The following CTSK variants were observed in gnomAD, a reference collection of about 807,000 sequenced individuals.
CTSK encodes the protein cathepsin O.
A neutral mutation model predicts 40.5 loss-of-function variants in CTSK; 26 were observed. The observed-to-expected ratio is 0.64, with a 90% CI of 0.47 to 0.89. The LOEUF (loss-of-function observed/expected upper bound fraction) is 0.89. Ranked by LOEUF, CTSK falls within the 40% of genes least tolerant of loss-of-function variation. CTSK has a pLI of 0.00. For synonymous variants in CTSK, 132 were observed against 143.2 expected (o/e 0.92, Z 0.56); for missense variants, 292 against 400.1 (o/e 0.73, Z 2.30).
chr1:150,808,232 T>C lies in CTSK; in HGVS notation c.-20A>G, dbSNP rs1349979598. ...ACGTTACCTGCTGATGGAAATCTGTTGTCTGGCTTCGTTTCGGCAGCAAAG... is the reference window on the plus strand; with the variant it reads ...ACGTTACCTGCTGATGGAAATCTGTCGTCTGGCTTCGTTTCGGCAGCAAAG... On this transcript the variant is annotated 5_prime_UTR_variant, in exon 1 of 8. Coordinates refer to ENST00000271651, the MANE Select transcript of CTSK (RefSeq NM_000396.4). 6.6e-6 allele frequency: 1 copy of C among 152,478 alleles called. No individual in the cohort carries two copies. Among genetic ancestry groups the C allele is most frequent in the Non-Finnish European group, 1.5e-5 (1 of 68,044 alleles). 9.4% of individuals were successfully genotyped at this position (152,478 alleles called of 1,614,324 possible). A position where few individuals can be genotyped will look rare whatever the true frequency, so the allele number is the denominator to read the frequency against.
Position 150,799,729 on chromosome 1 carries a change from A to G in CTSK, c.619-20T>C. ...CTCTTCCTGGAAGAAACAAGATTGT[A>G]ATAGGACTAGGACAAAGCAATAGGC... is the stretch of plus-strand genomic sequence containing the variant. On this transcript the variant is annotated intron_variant, in intron 5 of 7. Transcript: ENST00000271651. The G allele has an allele frequency of 6.2e-7, 1 of 1,613,038 alleles. No homozygotes were observed.
At chr1:150,802,053 G>A (rs587666448) in intron 5 of CTSK, among the ~76,000 whole-genome samples, 5 of 148,522 alleles carry the variant, frequency 3.4e-5, no homozygotes, top group East Asian at 2.1e-4. Flanking sequence ...CGAGGCGGGC[G>A]GACCACCTGA....
chr1:150,806,396 C>T (rs1654093697), intron 2 of CTSK, among the ~76,000 whole-genome samples, 172 bp from the exon 3 acceptor site: 1 of 152,118 alleles, frequency 6.6e-6, no homozygotes, highest in Admixed American at 6.5e-5. Context: ...TAAACAAATA[C>T]AACACAAAGC....
chr1:150,802,617 A>G (rs890248677), intron 5 of CTSK, among the ~76,000 whole-genome samples: 1 of 151,962 alleles, frequency 6.6e-6, no homozygotes, highest in African/African-American at 2.4e-5. Context: ...AGGTCTTGCT[A>G]TGTTGTACCA....
chr1:150,804,757 T>C (rs891245375), intron 4 of CTSK, among the ~76,000 whole-genome samples: 20 of 152,194 alleles, frequency 1.3e-4, no homozygotes, highest in Admixed American at 1.0e-3. Flanking sequence ...TTAGTCATCT[T>C]GAGTCTCTGC....
chr1:150,806,333 T>G, intron 2 of CTSK, 109 bp from the exon 3 acceptor site: 1 of 1,294,394 alleles, frequency 7.7e-7, no homozygotes, highest in Non-Finnish European at 1.1e-6. Context: ...AAGTTTACAG[T>G]TTAGTTGGGG....
chr1:150,802,775 T>A (rs910077331), intron 5 of CTSK, among the ~76,000 whole-genome samples: 5 of 151,872 alleles, frequency 3.3e-5, no homozygotes, highest in Non-Finnish European at 5.9e-5. Flanking sequence ...GGCATGCACC[T>A]ATATCCTAGC....
chr1:150,802,053 G>T (rs587666448), intron 5 of CTSK, among the ~76,000 whole-genome samples: 1 of 148,522 alleles, frequency 6.7e-6, no homozygotes, highest in South Asian at 2.2e-4. Context: ...CGAGGCGGGC[G>T]GACCACCTGA....
Position 150,799,544 on chromosome 1 carries a change from C to T in CTSK, c.784G>A (p.Gly262Ser). The change falls in exon 6 of 8, where the codon GGT becomes AGT. Residue 262 changes from glycine (G) to serine (S), a missense_variant and splice_region_variant. Gly to Ser is a moderately conservative substitution (Grantham distance 56). Coordinates refer to ENST00000271651, the MANE Select transcript of CTSK (RefSeq NM_000396.4). ...CTGTATAGGATCAGCAGCTTCTTAC[C>T]TTTGCTGTAAAACTGGAAGGAGGTC... ...SLTSFQFYSK[G>S]VYYDESCNSD... The T allele has an allele frequency of 6.2e-7, 1 of 1,614,194 alleles. No individual in the cohort carries two copies. The highest frequency in any genetic ancestry group is 8.5e-7 in the Non-Finnish European group (1 of 1,180,024).
chr1:150,799,514 C>A (rs1330677746), intron 6 of CTSK, 30 bp downstream of exon 6: 5 of 1,612,100 alleles, frequency 3.1e-6, no homozygotes, highest in Non-Finnish European at 4.2e-6. Flanking sequence ...TCATAAAAGA[C>A]AGTGCTGTAT....
intron 7 of CTSK, among the ~76,000 whole-genome samples, chr1:150,797,896 T>G (rs1250774647): frequency 1.3e-5 from 2 of 152,136 alleles, no homozygotes; most frequent in Non-Finnish European, 2.9e-5. Flanking sequence ...TGTGGGAGAC[T>G]TGGGAAGATG....
At chr1:150,807,464 A>C (rs150945479) in intron 1 of CTSK, 33 of 453,328 alleles carry the variant, frequency 7.3e-5, no homozygotes, top group African/African-American at 6.5e-4. Flanking sequence ...CTTAGGCAGG[A>C]AACTGCCCTA....
At chr1:150,806,563 T>G (rs1258955875) in intron 2 of CTSK, 123 bp downstream of exon 2, 2 of 1,259,312 alleles carry the variant, frequency 1.6e-6, no homozygotes, top group Non-Finnish European at 2.3e-6. Flanking sequence ...TAACATGAGT[T>G]AGGGAAGAGG....
intron 6 of CTSK, 97 bp from the exon 7 acceptor site, chr1:150,799,370 G>T: frequency 8.1e-7 from 1 of 1,233,196 alleles, no homozygotes; most frequent in Non-Finnish European, 1.2e-6. Context: ...TTCCATCCGT[G>T]TCAGGAGGGT....
chr1:150,806,350 C>A, intron 2 of CTSK, 126 bp from the exon 3 acceptor site: 3 of 1,111,040 alleles, frequency 2.7e-6, no homozygotes, highest in Non-Finnish European at 3.9e-6. Context: ...GGGGAACTAA[C>A]CATGGAATTA....
In CTSK at chr1:150,805,997, T is replaced by G. The variant is rs762212949; in HGVS notation, c.263A>C (p.Gln88Pro). 108 of 1,614,234 alleles carry G rather than the reference T, an allele frequency of 6.7e-5. No individual in the cohort carries two copies. In the South Asian group the frequency reaches 1.1e-3, roughly 16 times the overall value. The change falls in exon 4 of 8, where the codon CAG becomes CCG. Residue 88 changes from glutamine to proline, a missense_variant. Gln to Pro is a moderately conservative substitution (Grantham distance 76). Transcript: ENST00000271651. ...GGGTACTTTGAGTCCAGTCATCTTC[T>G]GAACCACCTCTTCACTGGTCTAAGA... ...LGDMTSEEVVQKMTGLKVPLS... is the reference protein window; with the variant it reads ...LGDMTSEEVVPKMTGLKVPLS...
At chr1:150,800,904 T>C in intron 5 of CTSK, 1 of 152,282 alleles carries the variant, frequency 6.6e-6, no homozygotes, top group Non-Finnish European at 1.5e-5. Context: ...ACTGCCTTGA[T>C]ATTTTTCAAG....
At chr1:150,805,466 C>G (rs587742967) in intron 4 of CTSK, among the ~76,000 whole-genome samples, 1 of 151,416 alleles carries the variant, frequency 6.6e-6, no homozygotes, top group South Asian at 2.1e-4. Context: ...ATGGTGAAAA[C>G]GCATCTCTAT....
intron 5 of CTSK, among the ~76,000 whole-genome samples, chr1:150,803,535 A>G (rs1254267492): frequency 6.6e-6 from 1 of 152,178 alleles, no homozygotes; most frequent in Admixed American, 6.5e-5. Context: ...TGACTAGAGG[A>G]TCATGCAGGA....
Sources: allele counts gnomAD v4.1 joint callset (sites outside exome capture counted in the v4.1 genomes callset), GRCh38; gene constraint gnomAD v4.1.1; transcripts MANE v1.5; gene names NCBI Gene and HGNC (gene_info 2026-07-23, HGNC 2026-07-21).